Variants in DPP10 observed in about 807,000 individuals in gnomAD.
DPP10 encodes the protein dipeptidyl peptidase like 10, also known as inactive dipeptidyl peptidase 10.
In DPP10, 33 loss-of-function variants were observed where a neutral mutation model predicts 120.9. The ratio of observed to expected loss-of-function variants is 0.27; its 90% CI spans 0.21 to 0.37. The LOEUF (loss-of-function observed/expected upper bound fraction) is 0.37. Ranked by LOEUF, DPP10 falls within the 10% of genes least tolerant of loss-of-function variation. DPP10 has a pLI of 1.00. For missense variants in DPP10, 816 were observed against 942.8 expected (o/e 0.87, Z 1.76); for synonymous variants, 337 against 326.1 (o/e 1.03, Z -0.36).
intron 1 of DPP10, among the ~76,000 whole-genome samples, chr2:114,484,174 A>T (rs1427656289): frequency 6.6e-6 from 1 of 152,164 alleles, no homozygotes; most frequent in Non-Finnish European, 1.5e-5. Context: ...TACCTAAGCC[A>T]GGTTCATGTC....
intron 1 of DPP10, among the ~76,000 whole-genome samples, chr2:114,986,526 G>T (rs2104893877): frequency 6.6e-6 from 1 of 152,156 alleles, no homozygotes; most frequent in Non-Finnish European, 1.5e-5. Flanking sequence ...TTTGCAAATT[G>T]CTTCAAGAGG....
chr2:114,507,237 C>CA (rs1223338638), intron 1 of DPP10, among the ~76,000 whole-genome samples: 1 of 151,880 alleles, frequency 6.6e-6, no homozygotes, highest in Non-Finnish European at 1.5e-5. Context: ...TTTGTAGAGA[C>CA]AGAGTTTTAC....
chr2:115,208,936 G>A (rs916442447), intron 1 of DPP10, among the ~76,000 whole-genome samples: 11 of 152,192 alleles, frequency 7.2e-5, no homozygotes, highest in Admixed American at 3.9e-4. Flanking sequence ...TGGCTCTGAC[G>A]TGCTTACTCT....
At chr2:115,440,659 A>C (rs2071954423) in intron 3 of DPP10, among the ~76,000 whole-genome samples, 1 of 152,232 alleles carries the variant, frequency 6.6e-6, no homozygotes, top group South Asian at 2.1e-4. Flanking sequence ...CAAATGCAAT[A>C]ATTCTACAGA....
chr2:114,817,514 A>C lies in DPP10; in HGVS notation c.60+374676A>C, dbSNP rs144721487. ...TATTACCAGAGTCCAGTGAGAACTG[A>C]TGCCTGAAGGAGGGGCCAGCCAATA... is the stretch of plus-strand genomic sequence containing the variant. On this transcript the variant is annotated intron_variant, in intron 1 of 25. Transcript: ENST00000410059. 1.1e-4 allele frequency among the ~76,000 whole-genome samples: 17 copies of C among 152,286 alleles called. No individual in the cohort carries two copies. In the East Asian group the frequency reaches 3.1e-3, roughly 28 times the overall value.
chr2:115,058,135 C>T (rs976232222), intron 1 of DPP10, among the ~76,000 whole-genome samples: 1 of 152,148 alleles, frequency 6.6e-6, no homozygotes, highest in African/African-American at 2.4e-5. Context: ...AAGAACTAAC[C>T]CAGACTCTGC....
At chr2:115,387,566 C>T (rs2067033510) in intron 3 of DPP10, among the ~76,000 whole-genome samples, 1 of 152,018 alleles carries the variant, frequency 6.6e-6, no homozygotes, top group Admixed American at 6.6e-5. Flanking sequence ...ATTTGAATCC[C>T]AGTCTAAAGA....
chr2:115,660,285 A>T (rs4849416), intron 5 of DPP10, among the ~76,000 whole-genome samples: 1 of 152,180 alleles, frequency 6.6e-6, no homozygotes, highest in African/African-American at 2.4e-5. Context: ...TCAATGTTTA[A>T]CATAATCAAG....
intron 11 of DPP10, 57 bp downstream of exon 11, chr2:115,753,354 C>T: frequency 2.0e-6 from 3 of 1,480,500 alleles, no homozygotes; most frequent in South Asian, 1.4e-5. Flanking sequence ...TGCAGCTTTA[C>T]AAAGGGGAAA....
chr2:114,734,033 A>G (rs551075986), intron 1 of DPP10, among the ~76,000 whole-genome samples: 1 of 152,288 alleles, frequency 6.6e-6, no homozygotes, highest in Non-Finnish European at 1.5e-5. Context: ...GATAGGTTTT[A>G]TTTAACCCTA....
chr2:114,691,192 G>A (rs1002962926), intron 1 of DPP10, among the ~76,000 whole-genome samples: 2 of 152,072 alleles, frequency 1.3e-5, no homozygotes, highest in Admixed American at 1.3e-4. Flanking sequence ...TGTGATATTA[G>A]CTGTGGGTTT....
At chr2:115,637,520 G>T (rs1426886122) in intron 5 of DPP10, among the ~76,000 whole-genome samples, 1 of 152,110 alleles carries the variant, frequency 6.6e-6, no homozygotes, top group Non-Finnish European at 1.5e-5. Flanking sequence ...GTAAGATTGG[G>T]CAACAGTGAC....
intron 1 of DPP10, among the ~76,000 whole-genome samples, chr2:114,867,011 G>T (rs74361035): frequency 1.3e-5 from 2 of 152,288 alleles, no homozygotes; most frequent in South Asian, 4.1e-4. Flanking sequence ...TATAGCCATC[G>T]TTCATTTCCA....
chr2:115,054,905 C>CT (rs1399119622), intron 1 of DPP10, among the ~76,000 whole-genome samples: 1 of 152,122 alleles, frequency 6.6e-6, no homozygotes, highest in Non-Finnish European at 1.5e-5. Context: ...GAGCAAGACT[C>CT]TGTCTCAAAA....
intron 1 of DPP10, among the ~76,000 whole-genome samples, chr2:114,857,754 G>C (rs781076467): frequency 1.3e-5 from 2 of 152,094 alleles, no homozygotes. Context: ...CTTATTAAAC[G>C]TAGGGTGCCT....
intron 1 of DPP10, among the ~76,000 whole-genome samples, chr2:114,541,978 G>A (rs1390215619): frequency 6.6e-6 from 1 of 151,320 alleles, no homozygotes; most frequent in Non-Finnish European, 1.5e-5. Context: ...ATTCTCAATG[G>A]GAGATTTTTT....
chr2:114,710,079 T>A (rs758342874), intron 1 of DPP10, among the ~76,000 whole-genome samples: 1 of 152,222 alleles, frequency 6.6e-6, no homozygotes. Flanking sequence ...AGAATGCAAA[T>A]AGTTAGGACT....
At chr2:115,255,465 C>A (rs540834996) in intron 1 of DPP10, among the ~76,000 whole-genome samples, 1 of 152,342 alleles carries the variant, frequency 6.6e-6, no homozygotes, top group Admixed American at 6.5e-5. Context: ...TCCCCATTTT[C>A]TTGGTAATTA....
At chr2:114,497,111 A>G (rs75478609) in intron 1 of DPP10, among the ~76,000 whole-genome samples, 2,573 of 148,220 alleles carry the variant, frequency 0.017, 39 homozygotes, top group Middle Eastern at 0.039. Context: ...ACATGTACGT[A>G]TACATGCACA....
Sources: allele counts gnomAD v4.1 joint callset (sites outside exome capture counted in the v4.1 genomes callset), GRCh38; gene constraint gnomAD v4.1.1; transcripts MANE v1.5; gene names NCBI Gene and HGNC (gene_info 2026-07-23, HGNC 2026-07-21).